Variants in TUSC3 observed in about 807,000 individuals in gnomAD.
TUSC3 encodes the protein dolichyl-diphosphooligosaccharide--protein glycosyltransferase subunit TUSC3.
TUSC3 carries 45 observed loss-of-function variants against 44.8 expected under a neutral mutation model. The observed-to-expected ratio is 1.00, with a 90% confidence interval of 0.79 to 1.29. TUSC3 has a LOEUF of 1.29. Ranked by LOEUF, TUSC3 falls within the 50% of genes most tolerant of loss-of-function variation. The pLI, the probability that TUSC3 is intolerant of heterozygous loss-of-function variation, is 0.00. For synonymous variants in TUSC3, 212 were observed against 152.9 expected, an observed-to-expected ratio of 1.39 and a Z score of -2.85; for missense variants, 519 against 437.9, an observed-to-expected ratio of 1.19 and a Z score of -1.65.
At chr8:15,634,490 T>C (rs1320244285) in intron 2 of TUSC3, among the ~76,000 whole-genome samples, 2 of 152,178 alleles carry the variant, frequency 1.3e-5, no homozygotes, top group African/African-American at 4.8e-5. Flanking sequence ...GCAATTGATA[T>C]TTTGCATGAA....
chr8:15,823,759 A>C, the TUSC3 span, among the ~76,000 whole-genome samples: 1 of 151,980 alleles, frequency 6.6e-6, no homozygotes, highest in African/African-American at 2.4e-5. Flanking sequence ...TCATGTTCTT[A>C]ATCCTGCAAC....
At chr8:15,817,512 G>T in the TUSC3 span, among the ~76,000 whole-genome samples, 12 of 152,122 alleles carry the variant, frequency 7.9e-5, no homozygotes, top group African/African-American at 2.7e-4. Context: ...CTCGTGGGAG[G>T]TAATTGAATC....
chr8:15,684,976 C>T (rs574667292), intron 6 of TUSC3, among the ~76,000 whole-genome samples: 3 of 152,154 alleles, frequency 2.0e-5, no homozygotes, highest in Non-Finnish European at 2.9e-5. Flanking sequence ...CAGATGCACC[C>T]CAGTCCTGTG....
intron 1 of TUSC3, among the ~76,000 whole-genome samples, chr8:15,454,418 T>C (rs1187735601): frequency 6.6e-6 from 1 of 152,166 alleles, no homozygotes; most frequent in Non-Finnish European, 1.5e-5. Context: ...CCACCAACAT[T>C]CTCAGGAATA....
At chr8:15,555,133 A>G (rs1407431609) in intron 1 of TUSC3, among the ~76,000 whole-genome samples, 6 of 130,392 alleles carry the variant, frequency 4.6e-5, no homozygotes, top group Non-Finnish European at 3.2e-5. Flanking sequence ...ATATTATAAT[A>G]GCAGTCTTTT....
chr8:15,850,409 A>G, the TUSC3 span, among the ~76,000 whole-genome samples: 1 of 152,198 alleles, frequency 6.6e-6, no homozygotes, highest in Non-Finnish European at 1.5e-5. Context: ...TTCACTATAC[A>G]ATAAATTTGA....
chr8:15,695,932 C>A (rs748095641), intron 6 of TUSC3, among the ~76,000 whole-genome samples: 1 of 152,026 alleles, frequency 6.6e-6, no homozygotes, highest in East Asian at 1.9e-4. Flanking sequence ...TGCTGTTAAA[C>A]GCATTCAGTT....
intron 2 of TUSC3, among the ~76,000 whole-genome samples, chr8:15,517,372 T>C (rs1801231904): frequency 6.6e-6 from 1 of 152,048 alleles, no homozygotes; most frequent in Non-Finnish European, 1.5e-5. Context: ...TTTGCTATTG[T>C]ATTGCCAATC....
chr8:15,573,396 C>G (rs1479922197), intron 1 of TUSC3, among the ~76,000 whole-genome samples: 2 of 151,604 alleles, frequency 1.3e-5, no homozygotes, highest in Non-Finnish European at 2.9e-5. Flanking sequence ...TGTTCCTACA[C>G]AATAGCGTGG....
At chr8:15,678,312 GAA>G (rs1158187278) in intron 6 of TUSC3, among the ~76,000 whole-genome samples, 1 of 152,058 alleles carries the variant, frequency 6.6e-6, no homozygotes, top group African/African-American at 2.4e-5. Context: ...AGTCAGGCTG[GAA>G]CACACTAAGG....
intron 1 of TUSC3, among the ~76,000 whole-genome samples, chr8:15,442,621 A>G (rs1217931588): frequency 2.0e-5 from 3 of 152,326 alleles, no homozygotes; most frequent in Middle Eastern, 3.4e-3. Flanking sequence ...TGTTTCTCTT[A>G]GTAATTTTCC....
chr8:15,636,063 G>T (rs1301280663), intron 2 of TUSC3, among the ~76,000 whole-genome samples: 1 of 152,190 alleles, frequency 6.6e-6, no homozygotes, highest in Non-Finnish European at 1.5e-5. Context: ...AATGTGGGAA[G>T]ATTTGTCAAA....
chr8:15,606,649 C>T (rs1804540751), intron 1 of TUSC3, among the ~76,000 whole-genome samples: 1 of 152,058 alleles, frequency 6.6e-6, no homozygotes, highest in Non-Finnish European at 1.5e-5. Context: ...AGATTCCTCT[C>T]TGTAGGCATA....
intron 2 of TUSC3, among the ~76,000 whole-genome samples, chr8:15,491,963 A>G (rs1307831740): frequency 6.6e-6 from 1 of 152,124 alleles, no homozygotes; most frequent in Non-Finnish European, 1.5e-5. Flanking sequence ...CTTCCATCTA[A>G]CTACTTATAG....
At chr8:15,718,085 G>C (rs189816131) in intron 6 of TUSC3, among the ~76,000 whole-genome samples, 1 of 152,152 alleles carries the variant, frequency 6.6e-6, no homozygotes, top group Admixed American at 6.6e-5. Context: ...GATTGCCAAG[G>C]GTTTTGAATT....
chr8:15,650,093 A>G (rs781398214), intron 2 of TUSC3, among the ~76,000 whole-genome samples: 3 of 152,164 alleles, frequency 2.0e-5, no homozygotes. Context: ...CATCTTAGAG[A>G]AGGAATGTTT....
chr8:15,523,714 A>G lies in TUSC3; in HGVS notation n.189+40231A>G, dbSNP rs1392256422. 4.7e-4 allele frequency among the ~76,000 whole-genome samples: 52 copies of G among 109,932 alleles called. 1 individual carries two copies. The East Asian group carries it at 6.9e-3, about 15-fold the overall frequency. The allele number at this position is 109,932 out of a possible 152,430, so 72.1% of individuals were successfully genotyped here. On this transcript the variant is annotated intron_variant and non_coding_transcript_variant, in intron 2 of 5. Transcript: ENST00000503191. ...TGTGTGTGTGTGTGTGTGTGTATAT[A>G]TATATATATATAAAGTAGTTCTTAG...
intron 1 of TUSC3, among the ~76,000 whole-genome samples, chr8:15,543,724 A>C (rs1044641453): frequency 1.3e-4 from 19 of 151,810 alleles, no homozygotes; most frequent in South Asian, 2.1e-4. Context: ...AAATGCGGTA[A>C]GATTTTTTTG....
intron 1 of TUSC3, among the ~76,000 whole-genome samples, chr8:15,437,971 C>G (rs1323221293): frequency 6.6e-6 from 1 of 152,198 alleles, no homozygotes; most frequent in Non-Finnish European, 1.5e-5. Context: ...AGCTTTGGAA[C>G]TGTACAGACA....
Sources: gnomAD v4.1 joint callset for allele counts (sites outside exome capture counted in the v4.1 genomes callset) on GRCh38, gnomAD v4.1.1 for gene constraint, MANE v1.5 for transcripts, NCBI Gene and HGNC (gene_info 2026-07-23, HGNC 2026-07-21) for gene names.